The following SORBS2 variants were observed in gnomAD, a reference collection of about 807,000 sequenced individuals.
SORBS2 encodes sorbin and SH3 domain-containing protein 2.
In SORBS2, 46 loss-of-function variants were observed where a neutral mutation model predicts 97.7. The observed-to-expected ratio is 0.47, with a 90% CI of 0.37 to 0.60. The LOEUF is 0.60. SORBS2 is among the 20% of genes least tolerant of loss of function. The pLI is 0.00. For synonymous variants in SORBS2, 476 were observed against 473.4 expected (o/e 1.01, Z -0.07); for missense variants, 1,316 against 1,282.3 (o/e 1.03, Z -0.40).
chr4:185,812,198 A>T lies in SORBS2; in HGVS notation c.-337-36832T>A, dbSNP rs545347932. 6.6e-6 allele frequency: 1 copy of T among 152,290 alleles called. No individual in the cohort carries two copies. Among genetic ancestry groups the T allele is most frequent in the East Asian group, 1.9e-4 (1 of 5,198 alleles). 9.4% of individuals were successfully genotyped at this position (152,290 alleles called of 1,614,324 possible). A position where few individuals can be genotyped will look rare whatever the true frequency, so the allele number is the denominator to read the frequency against. ...AGGGCGAAGCTCAGCAGAATATGCCACACTGTTTTCCATAAGTAAAATGGC... is the reference window on the plus strand; with the variant it reads ...AGGGCGAAGCTCAGCAGAATATGCCTCACTGTTTTCCATAAGTAAAATGGC... On this transcript the variant is annotated intron_variant, in intron 1 of 20. Transcript: ENST00000284776.
At chr4:185,706,327 T>A (rs902707444) in intron 2 of SORBS2, among the ~76,000 whole-genome samples, 1 of 152,180 alleles carries the variant, frequency 6.6e-6, no homozygotes, top group Non-Finnish European at 1.5e-5. Flanking sequence ...CCACTTCATA[T>A]CCCAACCAAA....
At chr4:185,746,758 C>T (rs942464567) in intron 2 of SORBS2, among the ~76,000 whole-genome samples, 1 of 152,218 alleles carries the variant, frequency 6.6e-6, no homozygotes, top group Non-Finnish European at 1.5e-5. Flanking sequence ...GAGGCTTAGA[C>T]TCTGTAAGAA....
chr4:185,838,074 A>G (rs1292518438), intron 1 of SORBS2, among the ~76,000 whole-genome samples: 1 of 152,192 alleles, frequency 6.6e-6, no homozygotes, highest in Non-Finnish European at 1.5e-5. Flanking sequence ...ACTAATTCCA[A>G]CAGATGATGC....
At chr4:185,948,770 G>A (rs1579635132) in intron 1 of SORBS2, among the ~76,000 whole-genome samples, 3 of 151,690 alleles carry the variant, frequency 2.0e-5, no homozygotes. Context: ...CACCCGCCTC[G>A]GCCTCCCAAA....
chr4:185,934,975 T>C (rs2099268271), intron 1 of SORBS2, among the ~76,000 whole-genome samples: 2 of 152,200 alleles, frequency 1.3e-5, no homozygotes, highest in South Asian at 4.1e-4. Context: ...CGCTTCTCCA[T>C]AATTTGCACT....
chr4:185,605,760 T>G (rs2096402409), intron 12 of SORBS2, among the ~76,000 whole-genome samples: 1 of 152,164 alleles, frequency 6.6e-6, no homozygotes, highest in Non-Finnish European at 1.5e-5. Context: ...AGTTTTTGTA[T>G]TTTTGGTAGT....
intron 3 of SORBS2, 69 bp from the exon 7 acceptor site, chr4:185,678,616 AT>A: frequency 7.0e-7 from 1 of 1,430,086 alleles, no homozygotes; most frequent in Non-Finnish European, 9.3e-7. Flanking sequence ...TATAAAATTT[AT>A]TTTTATTTCC....
chr4:185,806,927 A>G (rs1037225392), intron 1 of SORBS2, among the ~76,000 whole-genome samples: 1 of 152,196 alleles, frequency 6.6e-6, no homozygotes, highest in Non-Finnish European at 1.5e-5. Flanking sequence ...ATGTACTAGG[A>G]CAAGGAACCT....
At chr4:185,934,725 A>C (rs1440867102) in intron 1 of SORBS2, among the ~76,000 whole-genome samples, 2 of 151,336 alleles carry the variant, frequency 1.3e-5, no homozygotes, top group Admixed American at 1.3e-4. Flanking sequence ...CGGAGGCTGC[A>C]GTGAGCTGAG....
At chr4:185,824,296 T>C (rs1055387667) in intron 1 of SORBS2, among the ~76,000 whole-genome samples, 1 of 152,106 alleles carries the variant, frequency 6.6e-6, no homozygotes, top group Non-Finnish European at 1.5e-5. Flanking sequence ...AATCTCTGCC[T>C]CCATCTGCAC....
At chr4:185,657,142 C>T, upstream of SORBS2, 1 of 306,202 alleles carries the variant, frequency 3.3e-6, no homozygotes, top group Non-Finnish European at 5.7e-6. Context: ...AAAAGAAAAA[C>T]AAACAAACAA....
chr4:185,589,840 T>C (rs534973589), intron 13 of SORBS2, 55 bp from the exon 26 acceptor site: 5 of 937,912 alleles, frequency 5.3e-6, no homozygotes, highest in South Asian at 5.2e-5. Flanking sequence ...TCATGAAATA[T>C]AGAAGATAGA....
intron 1 of SORBS2, among the ~76,000 whole-genome samples, chr4:185,864,893 T>C (rs1342894795): frequency 5.4e-5 from 8 of 148,952 alleles, no homozygotes; most frequent in African/African-American, 1.3e-4. Flanking sequence ...GCCTGGGCGA[T>C]AGAGTGAGAC....
At chr4:185,849,218 T>G (rs2099216373) in intron 1 of SORBS2, among the ~76,000 whole-genome samples, 1 of 152,116 alleles carries the variant, frequency 6.6e-6, no homozygotes, top group Non-Finnish European at 1.5e-5. Context: ...CCTGGCATCT[T>G]GGCACACCCT....
At chr4:185,634,275 C>T (rs1430932160) in intron 4 of SORBS2, among the ~76,000 whole-genome samples, 1 of 152,164 alleles carries the variant, frequency 6.6e-6, no homozygotes, top group African/African-American at 2.4e-5. Context: ...GTGGTCACCA[C>T]TATGTGTCAG....
chr4:185,620,007 A>G, intron 8 of SORBS2, 56 bp downstream of exon 20: 2 of 1,063,704 alleles, frequency 1.9e-6, no homozygotes, highest in Non-Finnish European at 3.0e-6. Context: ...TTTGGCTGGT[A>G]AGTGCTGTAT....
At chr4:185,730,657 T>C (rs1242678821) in intron 2 of SORBS2, among the ~76,000 whole-genome samples, 1 of 152,186 alleles carries the variant, frequency 6.6e-6, no homozygotes, top group Admixed American at 6.5e-5. Context: ...CTGCAGGCCA[T>C]GGAGAGGACA....
intron 1 of SORBS2, among the ~76,000 whole-genome samples, chr4:185,916,957 G>A (rs1402922986): frequency 2.0e-5 from 3 of 152,348 alleles, no homozygotes; most frequent in African/African-American, 7.2e-5. Context: ...GACCAAGCCA[G>A]GATTAGAGGG....
chr4:185,918,722 C>T (rs567373187), intron 1 of SORBS2, among the ~76,000 whole-genome samples: 7 of 152,316 alleles, frequency 4.6e-5, no homozygotes, highest in South Asian at 2.1e-4. Flanking sequence ...CCTTATATCA[C>T]GGTCACAGCA....
Sources: allele counts gnomAD v4.1 joint callset (sites outside exome capture counted in the v4.1 genomes callset), GRCh38; gene constraint gnomAD v4.1.1; transcripts MANE v1.5; gene names NCBI Gene and HGNC (gene_info 2026-07-23, HGNC 2026-07-21).